Variants in KCNK1 observed in about 807,000 individuals in gnomAD.
KCNK1 encodes potassium two pore domain channel subfamily K member 1.
Under a neutral mutation model 22.2 loss-of-function variants are expected in KCNK1, and 10 were observed. That is an observed-to-expected ratio of 0.45 (90% confidence interval 0.28 to 0.76). The LOEUF (loss-of-function observed/expected upper bound fraction) is 0.76. KCNK1 is among the 30% of genes least tolerant of loss of function. The pLI, the probability that KCNK1 is intolerant of heterozygous loss-of-function variation, is 0.14. For missense variants in KCNK1, 378 were observed against 421.0 expected (o/e 0.90, Z 0.89); for synonymous variants, 200 against 186.4 (o/e 1.07, Z -0.60).
intron 1 of KCNK1, among the ~76,000 whole-genome samples, chr1:233,624,557 A>G (rs1274137596): frequency 6.6e-6 from 1 of 152,168 alleles, no homozygotes; most frequent in Non-Finnish European, 1.5e-5. Context: ...ACAGGTGCTC[A>G]AAAGGAGCAA....
At chr1:233,640,461 T>C (rs754708156) in intron 1 of KCNK1, among the ~76,000 whole-genome samples, 2 of 152,210 alleles carry the variant, frequency 1.3e-5, no homozygotes, top group African/African-American at 4.8e-5. Flanking sequence ...TTCATCTCCA[T>C]TGAAAGATAA....
chr1:233,641,228 A>G (rs1657994857), intron 1 of KCNK1, among the ~76,000 whole-genome samples: 1 of 152,170 alleles, frequency 6.6e-6, no homozygotes, highest in African/African-American at 2.4e-5. Context: ...CGGAGGGCTG[A>G]GTCACAATGA....
At chr1:233,642,146 TC>T (rs1445170515) in intron 1 of KCNK1, among the ~76,000 whole-genome samples, 1 of 152,222 alleles carries the variant, frequency 6.6e-6, no homozygotes, top group Non-Finnish European at 1.5e-5. Flanking sequence ...CAGCAATTTT[TC>T]CTGCTTTTGG....
At chr1:233,619,968 G>A (rs937839883) in intron 1 of KCNK1, among the ~76,000 whole-genome samples, 8 of 152,130 alleles carry the variant, frequency 5.3e-5, no homozygotes, top group South Asian at 4.2e-4. Context: ...AACGAAGTGG[G>A]CGAACTAGGG....
At chr1:233,628,251 AG>A (rs2102886520) in intron 1 of KCNK1, among the ~76,000 whole-genome samples, 1 of 152,340 alleles carries the variant, frequency 6.6e-6, no homozygotes, top group South Asian at 2.1e-4. Flanking sequence ...ACTATTGAAA[AG>A]TCCAACCTCG....
chr1:233,622,628 G>A (rs564604006), intron 1 of KCNK1, among the ~76,000 whole-genome samples: 3 of 152,248 alleles, frequency 2.0e-5, no homozygotes, highest in South Asian at 4.1e-4. Context: ...TGATGCCCCC[G>A]ATCTGAGGCT....
At chr1:233,651,569 G>A (rs1658202380) in intron 1 of KCNK1, among the ~76,000 whole-genome samples, 1 of 152,036 alleles carries the variant, frequency 6.6e-6, no homozygotes, top group Non-Finnish European at 1.5e-5. Context: ...AAAGTGAGAG[G>A]GGAAAATATC....
intron 1 of KCNK1, among the ~76,000 whole-genome samples, chr1:233,648,315 A>G (rs1454369239): frequency 6.6e-6 from 1 of 152,204 alleles, no homozygotes. Flanking sequence ...TATTATGGTT[A>G]TTTTCGAACA....
chr1:233,638,357 A>G (rs1231935016), intron 1 of KCNK1, among the ~76,000 whole-genome samples: 1 of 152,160 alleles, frequency 6.6e-6, no homozygotes, highest in Non-Finnish European at 1.5e-5. Context: ...AAATTAGTTA[A>G]AAATTAAAAA....
chr1:233,618,847 G>A (rs1040100503), intron 1 of KCNK1, among the ~76,000 whole-genome samples: 19 of 152,104 alleles, frequency 1.2e-4, no homozygotes, highest in African/African-American at 3.9e-4. Flanking sequence ...TTGCACCACT[G>A]TACTCCAGCC....
At chr1:233,633,530 G>C (rs1005775688) in intron 1 of KCNK1, among the ~76,000 whole-genome samples, 1 of 152,110 alleles carries the variant, frequency 6.6e-6, no homozygotes, top group Non-Finnish European at 1.5e-5. Flanking sequence ...GGTGAAATTT[G>C]AAGTCCTATT....
chr1:233,639,798 G>A lies in KCNK1; in HGVS notation c.355+25272G>A, dbSNP rs113033258. ...GCTTTTGTACTCCTGGCATTTATCC[G>A]GAGAGCTCCTTCCTGCAGAGTGCCT... On this transcript the variant is annotated intron_variant, in intron 1 of 2. Transcript: ENST00000366621. 2.0e-3 allele frequency among the ~76,000 whole-genome samples: 300 copies of A among 152,260 alleles called. 2 individuals carry two copies. The highest frequency in any genetic ancestry group is 6.9e-3 in the African/African-American group (288 of 41,556).
chr1:233,666,724 G>A lies in KCNK1; in HGVS notation c.485G>A (p.Arg162His), dbSNP rs774393024. 38 of 1,613,954 alleles carry A rather than the reference G, an allele frequency of 2.4e-5. No homozygotes were observed. The highest frequency in any genetic ancestry group is 4.4e-5 in the South Asian group (4 of 91,082). Residue 162 changes from arginine to histidine, a missense_variant, in exon 2 of 3, where the codon CGC (arginine) becomes CAC (histidine). By Grantham distance (29) the Arg-to-His change is conservative. Transcript: ENST00000366621. Reference sequence around the variant, plus strand: ...CAGCGCATCACCGTGCACGTCACCCGCAGGCCGGTCCTCTACTTCCACATC... The same window carrying A: ...CAGCGCATCACCGTGCACGTCACCCACAGGCCGGTCCTCTACTTCCACATC... ...VVQRITVHVT[R>H]RPVLYFHIRW...
chr1:233,636,315 A>T (rs911953748), intron 1 of KCNK1, among the ~76,000 whole-genome samples: 6 of 152,086 alleles, frequency 3.9e-5, no homozygotes, highest in Admixed American at 3.9e-4. Flanking sequence ...GATCAGGGAG[A>T]CCAGCTGGGA....
intron 1 of KCNK1, among the ~76,000 whole-genome samples, chr1:233,639,159 A>T (rs1657962353): frequency 6.6e-6 from 1 of 152,242 alleles, no homozygotes; most frequent in African/African-American, 2.4e-5. Flanking sequence ...CAAAGTCCAA[A>T]GAAGGGGCTA....
At chr1:233,647,461 G>T (rs1055807797) in intron 1 of KCNK1, among the ~76,000 whole-genome samples, 1 of 152,126 alleles carries the variant, frequency 6.6e-6, no homozygotes, top group East Asian at 1.9e-4. Context: ...ATGTTTTGAG[G>T]TCTCTTCAGA....
At chr1:233,670,405 G>A (rs573521298) in intron 2 of KCNK1, among the ~76,000 whole-genome samples, 7 of 152,286 alleles carry the variant, frequency 4.6e-5, no homozygotes, top group African/African-American at 1.4e-4. Flanking sequence ...TTAGTTTAGT[G>A]TATTAGTCTG....
intron 1 of KCNK1, among the ~76,000 whole-genome samples, chr1:233,649,464 A>C (rs1658161094): frequency 6.6e-6 from 1 of 152,118 alleles, no homozygotes; most frequent in Non-Finnish European, 1.5e-5. Flanking sequence ...TTTTTCCTCT[A>C]CTCTTGCATG....
At chr1:233,663,926 G>A (rs1658444344) in intron 1 of KCNK1, among the ~76,000 whole-genome samples, 1 of 152,020 alleles carries the variant, frequency 6.6e-6, no homozygotes, top group African/African-American at 2.4e-5. Flanking sequence ...CCGCCTCACG[G>A]GTTCAAACAA....
Sources: allele counts gnomAD v4.1 joint callset (sites outside exome capture counted in the v4.1 genomes callset), GRCh38; gene constraint gnomAD v4.1.1; transcripts MANE v1.5; gene names NCBI Gene and HGNC (gene_info 2026-07-23, HGNC 2026-07-21).